The following PCDHGA8 variants were observed in gnomAD, a reference collection of about 807,000 sequenced individuals.
PCDHGA8 encodes protocadherin gamma-A8.
In PCDHGA8, 45 loss-of-function variants were observed where a neutral mutation model predicts 59.2. The observed-to-expected ratio is 0.76, with a 90% CI of 0.60 to 0.98. The LOEUF (loss-of-function observed/expected upper bound fraction) is 0.98, where lower values mean the gene tolerates loss of function less well. Among genes scored for constraint, PCDHGA8 ranks in the 50% least tolerant of loss-of-function variants. The probability of loss-of-function intolerance (pLI) is 0.00; values close to 1 mark genes in which losing one functional copy is unlikely to be tolerated. For synonymous variants in PCDHGA8, 531 were observed against 519.0 expected, an observed-to-expected ratio of 1.02 and a Z score of -0.32; for missense variants, 1,257 against 1,196.2, an observed-to-expected ratio of 1.05 and a Z score of -0.75.
At chr5:141,403,860 C>A (rs201458472) in intron 1 of PCDHGA8, 1 of 1,613,382 alleles carries the variant, frequency 6.2e-7, no homozygotes, top group Non-Finnish European at 8.5e-7. Flanking sequence ...GAAATATCAA[C>A]AGCAAAAAGT....
rs371079504 is a variant in PCDHGA8, at chr5:141,422,041, G to C, written c.2424+26804G>C. 9 of 1,611,514 alleles carry C rather than the reference G, an allele frequency of 5.6e-6. No homozygotes were observed. The highest frequency in any genetic ancestry group is 5.9e-6 in the Non-Finnish European group (7 of 1,179,230). On this transcript the variant is annotated intron_variant, in intron 1 of 3. Transcript: ENST00000398604. ...GATGGTTAATGCAACGGATCCAGAC[G>C]AGGGAATCAACGGGGAAGTAATGTA...
chr5:141,398,325 G>A, intron 1 of PCDHGA8: 9 of 1,355,732 alleles, frequency 6.6e-6, no homozygotes, highest in Non-Finnish European at 8.2e-6. Flanking sequence ...CTCGAAAACT[G>A]CGCGTCAGTT....
intron 1 of PCDHGA8, chr5:141,409,822 C>A (rs983633484): frequency 6.2e-6 from 10 of 1,610,868 alleles, no homozygotes; most frequent in Non-Finnish European, 6.8e-6. Flanking sequence ...ACGGCTCGCC[C>A]ACGCTCAGCG....
intron 1 of PCDHGA8, chr5:141,409,410 A>G (rs1465791228): frequency 6.2e-7 from 1 of 1,614,036 alleles, no homozygotes; most frequent in African/African-American, 1.3e-5. Flanking sequence ...AACTACTACA[A>G]ACTGGTGACA....
At position 141,394,488 on chromosome 5, in the gene PCDHGA8, G is replaced by A. The variant is rs753312224; in HGVS notation, c.1675G>A (p.Ala559Thr). ...GTTCGTGCTGGACCAGAATGACAAC[G>A]CGCCCGAGATCCTGTACCCCGCCCT... ...SLFVLDQNDNAPEILYPALPT... is the reference protein window; with the variant it reads ...SLFVLDQNDNTPEILYPALPT... Residue 559 changes from alanine to threonine, a missense_variant, in exon 1 of 4, where the codon GCG (alanine) becomes ACG (threonine). Physicochemically the swap from Ala to Thr is moderately conservative, Grantham distance 58. Coordinates refer to ENST00000398604, the MANE Select transcript of PCDHGA8 (RefSeq NM_032088.2). The A allele has an allele frequency of 3.1e-6, 5 of 1,614,196 alleles. No individual in the cohort carries two copies. The highest frequency in any genetic ancestry group is 2.2e-5 in the South Asian group (2 of 91,088).
In PCDHGA8 at chr5:141,485,340, C is replaced by T. The variant is rs139641513; in HGVS notation, c.2425-9467C>T. ...GTCGCTCAAGATTTCCTGCTGGATA[C>T]GGACAGTCTGTCAGCTCGCAGGCTG... is the stretch of plus-strand genomic sequence containing the variant. On this transcript the variant is annotated intron_variant, in intron 1 of 3. Coordinates refer to ENST00000398604, the MANE Select transcript of PCDHGA8 (RefSeq NM_032088.2). This position sits in a 1 kb window ranked among gnomAD's most constrained non-coding sequence, Gnocchi z 5.7. 1.2e-6 allele frequency: 2 copies of T among 1,613,958 alleles called. No individual in the cohort carries two copies. Among genetic ancestry groups the T allele is most frequent in the East Asian group, 2.2e-5 (1 of 44,884 alleles).
intron 1 of PCDHGA8, chr5:141,478,076 C>A: frequency 6.2e-7 from 1 of 1,614,106 alleles, no homozygotes. Context: ...CAATGGGGAG[C>A]CTTCGCTCTC....
intron 1 of PCDHGA8, chr5:141,421,700 C>G: frequency 6.2e-7 from 1 of 1,613,900 alleles, no homozygotes; most frequent in Non-Finnish European, 8.5e-7. Context: ...CTTCCTAATG[C>G]TAGGGATCCA....
At chr5:141,409,484 G>A in intron 1 of PCDHGA8, 1 of 1,613,974 alleles carries the variant, frequency 6.2e-7, no homozygotes, top group Non-Finnish European at 8.5e-7. Flanking sequence ...CACTGACAGG[G>A]GCAAGCCGCC....
rs147783721 is a variant in PCDHGA8 at position 141,404,989 on chromosome 5, G to T, written c.2424+9752G>T. ...TCCTGGCTGACCTGGGCAGTCTTCAGATCCCTGCAGACCTGGAGGCCTCAG... is the reference window on the plus strand; with the variant it reads ...TCCTGGCTGACCTGGGCAGTCTTCATATCCCTGCAGACCTGGAGGCCTCAG... On this transcript the variant is annotated intron_variant, in intron 1 of 3. Transcript: ENST00000398604. 1.6e-5 allele frequency: 26 copies of T among 1,614,046 alleles called. No individual in the cohort carries two copies. In the Admixed American group the frequency reaches 4.0e-4, roughly 25 times the overall value.
At chr5:141,467,185 TG>T (rs1295935271) in intron 1 of PCDHGA8, among the ~76,000 whole-genome samples, 1 of 152,004 alleles carries the variant, frequency 6.6e-6, no homozygotes, top group African/African-American at 2.4e-5. Context: ...CCCAAGTAGC[TG>T]GGATTACAGG....
At chr5:141,397,818 T>TAA (rs748152113) in intron 1 of PCDHGA8, among the ~76,000 whole-genome samples, 1 of 152,226 alleles carries the variant, frequency 6.6e-6, no homozygotes, top group Non-Finnish European at 1.5e-5. Flanking sequence ...CAAAAACAAT[T>TAA]ACTGCACTGG....
At chr5:141,414,476 C>T (rs1242647918) in intron 1 of PCDHGA8, 1 of 1,613,802 alleles carries the variant, frequency 6.2e-7, no homozygotes, top group African/African-American at 1.3e-5. Flanking sequence ...GGGGGAAGTC[C>T]TCCTCTATCA....
At chr5:141,475,329 A>G (rs1229101617) in intron 1 of PCDHGA8, among the ~76,000 whole-genome samples, 1 of 152,266 alleles carries the variant, frequency 6.6e-6, no homozygotes, top group Non-Finnish European at 1.5e-5. Context: ...AATGAGAGCT[A>G]ACAATGACAT....
Position 141,432,736 on chromosome 5 carries a change from G to T in PCDHGA8, c.2424+37499G>T. On this transcript the variant is annotated intron_variant, in intron 1 of 3. Transcript: ENST00000398604. The surrounding 1 kb of genome is among the most constrained non-coding windows in gnomAD (Gnocchi z 6.0). ...AGCCCCCTCTCTCCGCCACTGTCACGCTCACCGTGGCCGTGGCCGACAGCA... is the reference window on the plus strand; with the variant it reads ...AGCCCCCTCTCTCCGCCACTGTCACTCTCACCGTGGCCGTGGCCGACAGCA... The T allele has an allele frequency of 6.2e-7, 1 of 1,614,058 alleles. No individual in the cohort carries two copies. The highest frequency in any genetic ancestry group is 8.5e-7 in the Non-Finnish European group (1 of 1,179,980).
intron 1 of PCDHGA8, chr5:141,399,485 A>G (rs760899297): frequency 4.7e-5 from 76 of 1,613,904 alleles, no homozygotes; most frequent in Non-Finnish European, 6.1e-5. Context: ...CAGGCGTCCT[A>G]CTTAGTCAGT....
At chr5:141,437,863 G>A (rs2097915247) in intron 1 of PCDHGA8, among the ~76,000 whole-genome samples, 2 of 151,480 alleles carry the variant, frequency 1.3e-5, no homozygotes, top group African/African-American at 2.4e-5. Context: ...TTAGCCTCCC[G>A]AGTAGCTGGG....
chr5:141,427,912 A>T (rs1268491054), intron 1 of PCDHGA8: 2 of 1,577,806 alleles, frequency 1.3e-6, no homozygotes, highest in Admixed American at 3.3e-5. Flanking sequence ...CTCAGCGCCA[A>T]CATGAGCCGG....
intron 1 of PCDHGA8, among the ~76,000 whole-genome samples, chr5:141,397,443 A>G (rs1307784938): frequency 6.6e-6 from 1 of 152,244 alleles, no homozygotes; most frequent in African/African-American, 2.4e-5. Flanking sequence ...TATGTGTAAT[A>G]TAAAACACTA....
Sources: gnomAD v4.1 joint callset for allele counts (sites outside exome capture counted in the v4.1 genomes callset) on GRCh38, gnomAD v4.1.1 for gene constraint, Gnocchi (gnomAD v3.1) non-coding constraint, MANE v1.5 for transcripts, NCBI Gene and HGNC (gene_info 2026-07-23, HGNC 2026-07-21) for gene names.